MTUS2: variants seen among roughly 807,000 people sequenced by gnomAD.
MTUS2 encodes microtubule associated scaffold protein 2.
MTUS2 carries 40 observed loss-of-function variants against 114.1 expected under a neutral mutation model. The ratio of observed to expected loss-of-function variants is 0.35; its 90% CI spans 0.27 to 0.46. The LOEUF is 0.46. MTUS2 is among the 20% of genes least tolerant of loss of function. The pLI is 1.00. For missense variants in MTUS2, 1,679 were observed against 1,705.4 expected (o/e 0.98, Z 0.27); for synonymous variants, 688 against 672.0 (o/e 1.02, Z -0.37).
At chr13:29,031,044 C>G (rs1229031274) in intron 3 of MTUS2, among the ~76,000 whole-genome samples, 1 of 152,080 alleles carries the variant, frequency 6.6e-6, no homozygotes, top group Non-Finnish European at 1.5e-5. Context: ...CCTCCAACAA[C>G]TTGGGAGCCC....
intron 8 of MTUS2, among the ~76,000 whole-genome samples, chr13:29,384,215 C>T (rs1412572630): frequency 1.3e-5 from 2 of 152,194 alleles, no homozygotes; most frequent in Admixed American, 6.5e-5. Flanking sequence ...AAGAAACTTT[C>T]GTAGTGCAAC....
At chr13:29,307,901 C>T (rs549619885) in intron 6 of MTUS2, 7 of 544,268 alleles carry the variant, frequency 1.3e-5, no homozygotes, top group African/African-American at 9.5e-5. Context: ...AGTTTCCATG[C>T]AGATCTCCTG....
intron 2 of MTUS2, among the ~76,000 whole-genome samples, chr13:28,999,511 A>AATATACAT (rs1361242264): frequency 2.0e-5 from 3 of 152,224 alleles, no homozygotes; most frequent in African/African-American, 7.2e-5. Context: ...ATTGACAAAT[A>AATATACAT]ATATACATAT....
At chr13:29,015,395 A>G (rs1475222140) in intron 2 of MTUS2, among the ~76,000 whole-genome samples, 1 of 152,202 alleles carries the variant, frequency 6.6e-6, no homozygotes, top group Non-Finnish European at 1.5e-5. Flanking sequence ...GGATAGAATG[A>G]AGAGTGGCAT....
At chr13:29,120,164 C>T (rs1319673751) in intron 5 of MTUS2, among the ~76,000 whole-genome samples, 1 of 152,110 alleles carries the variant, frequency 6.6e-6, no homozygotes, top group East Asian at 1.9e-4. Context: ...GCAAACTGGG[C>T]AGTCTCATAC....
chr13:29,171,156 G>T (rs1468679019), intron 5 of MTUS2, among the ~76,000 whole-genome samples: 1 of 152,014 alleles, frequency 6.6e-6, no homozygotes, highest in Non-Finnish European at 1.5e-5. Flanking sequence ...GTGTGTGTGT[G>T]TGTATGTGTG....
chr13:28,913,236 A>G (rs1880552900), intron 2 of MTUS2, among the ~76,000 whole-genome samples: 1 of 151,970 alleles, frequency 6.6e-6, no homozygotes, highest in South Asian at 2.1e-4. Context: ...TTAATATGAT[A>G]TTGTCTGTGG....
intron 4 of MTUS2, among the ~76,000 whole-genome samples, chr13:29,090,033 G>C (rs933336215): frequency 3.9e-5 from 6 of 152,164 alleles, no homozygotes; most frequent in Non-Finnish European, 8.8e-5. Context: ...CAGAAATCTT[G>C]CCCTGGTTCT....
intron 5 of MTUS2, among the ~76,000 whole-genome samples, chr13:29,218,402 A>G (rs979035020): frequency 1.3e-5 from 2 of 152,224 alleles, no homozygotes; most frequent in Non-Finnish European, 2.9e-5. Context: ...GTGGGTTGGA[A>G]TCAATTTCTT....
chr13:29,003,211 G>A lies in MTUS2; in HGVS notation c.-242-21246G>A, dbSNP rs1363300948. Among the ~76,000 whole-genome samples, 4 of 152,002 alleles carry A rather than the reference G, an allele frequency of 2.6e-5. 1 individual carries two copies. The East Asian group carries it at 7.7e-4, about 29-fold the overall frequency. On this transcript the variant is annotated intron_variant, in intron 2 of 15. Coordinates refer to ENST00000612955, the MANE Select transcript of MTUS2 (RefSeq NM_001033602.4). ...CTTACTGTGTGCCTAACACTTCTAA[G>A]CCTTTTGCATAAATTAATGATTTAG...
rs76142700 is a variant in MTUS2 at position 28,965,377 on chromosome 13, G to A, written c.-242-59080G>A. 6.4e-3 allele frequency among the ~76,000 whole-genome samples: 972 copies of A among 152,144 alleles called. 13 individuals carry two copies. The highest frequency in any genetic ancestry group is 0.022 in the African/African-American group (916 of 41,512). On this transcript the variant is annotated intron_variant, in intron 2 of 15. Coordinates refer to ENST00000612955, the MANE Select transcript of MTUS2 (RefSeq NM_001033602.4). Reference sequence around the variant, plus strand: ...TTTGGATTCTAAAGGGGGCTTTCTGGCATTTCTCATTCCTGTCTACACGGT... The same window carrying A: ...TTTGGATTCTAAAGGGGGCTTTCTGACATTTCTCATTCCTGTCTACACGGT...
At chr13:28,897,330 A>G (rs1457520195) in intron 2 of MTUS2, among the ~76,000 whole-genome samples, 2 of 152,220 alleles carry the variant, frequency 1.3e-5, no homozygotes, top group Non-Finnish European at 2.9e-5. Context: ...AGAGAAATGC[A>G]AATCAAAACC....
intron 6 of MTUS2, among the ~76,000 whole-genome samples, chr13:29,286,672 G>GTCTGTCTGTCTGTCTATCTATCTATCTA (rs577593135): frequency 1.4e-4 from 15 of 111,018 alleles, no homozygotes; most frequent in African/African-American, 4.5e-4. Context: ...CTGTCTGTCT[G>GTCTGTCTGTCTGTCTATCTATCTATCTA]TCTATCTATC....
intron 4 of MTUS2, among the ~76,000 whole-genome samples, chr13:29,042,031 C>G (rs1410614654): frequency 6.6e-6 from 1 of 152,092 alleles, no homozygotes; most frequent in Non-Finnish European, 1.5e-5. Context: ...AGTGGGCATC[C>G]TTGACTTGTT....
intron 2 of MTUS2, among the ~76,000 whole-genome samples, chr13:28,858,204 A>G (rs1219914801): frequency 6.6e-6 from 1 of 152,112 alleles, no homozygotes; most frequent in Non-Finnish European, 1.5e-5. Flanking sequence ...GGATTCTTGA[A>G]TGAAGGTATC....
chr13:29,238,915 G>A (rs1896633589), intron 5 of MTUS2, among the ~76,000 whole-genome samples: 1 of 152,188 alleles, frequency 6.6e-6, no homozygotes. Flanking sequence ...CAAACTCATG[G>A]AAGCAGAGAG....
At chr13:28,863,896 A>G (rs1427010445) in intron 2 of MTUS2, among the ~76,000 whole-genome samples, 6 of 152,018 alleles carry the variant, frequency 3.9e-5, no homozygotes, top group South Asian at 4.1e-4. Context: ...GGTTCTCACT[A>G]TGTCACCCAG....
chr13:29,026,482 G>A lies in MTUS2; in HGVS notation c.1784G>A (p.Ser595Asn). The stretch of plus-strand genomic sequence containing the variant: ...GTGCCTGACAAGAACACTTGCCCCA[G>A]TGGGATCCCCAAGCCTGTCTTCACA... ...PKVPDKNTCP[S>N]GIPKPVFTHS... The change falls in exon 3 of 16, where the codon AGT (serine) becomes AAT (asparagine). Residue 595 changes from serine (S) to asparagine (N), a missense_variant. This residue lies in a region of MTUS2 where 843 missense variants were observed against 770.8 expected (regional missense o/e 1.09). Transcript: ENST00000612955. The A allele has an allele frequency of 2.5e-6, 4 of 1,613,970 alleles. No individual in the cohort carries two copies. The highest frequency in any genetic ancestry group is 2.2e-5 in the South Asian group (2 of 91,080).
intron 5 of MTUS2, among the ~76,000 whole-genome samples, chr13:29,199,482 T>C (rs1025170237): frequency 6.6e-6 from 1 of 152,234 alleles, no homozygotes; most frequent in East Asian, 1.9e-4. Context: ...GTTTATGTGA[T>C]GGATTAGGTT....
Sources: allele counts gnomAD v4.1 joint callset (sites outside exome capture counted in the v4.1 genomes callset), GRCh38; gene constraint gnomAD v4.1.1; regional missense constraint gnomAD v4.1.1; transcripts MANE v1.5; gene names NCBI Gene and HGNC (gene_info 2026-07-23, HGNC 2026-07-21).